The following CDH13 variants were observed in gnomAD, a reference collection of about 807,000 sequenced individuals.
CDH13 encodes the protein cadherin 13.
In CDH13, 24 loss-of-function variants were observed where a neutral mutation model predicts 63.8. The ratio of observed to expected loss-of-function variants is 0.38; its 90% CI spans 0.27 to 0.53. The LOEUF is 0.53. Ranked by LOEUF, CDH13 falls within the 20% of genes least tolerant of loss-of-function variation. The pLI, the probability that CDH13 is intolerant of heterozygous loss-of-function variation, is 0.85. For missense variants in CDH13, 1,049 were observed against 903.1 expected (o/e 1.16, Z -2.07); for synonymous variants, 503 against 355.3 (o/e 1.42, Z -4.67).
At chr16:83,473,541 G>T (rs1331202791) in intron 6 of CDH13, among the ~76,000 whole-genome samples, 1 of 152,098 alleles carries the variant, frequency 6.6e-6, no homozygotes, top group South Asian at 2.1e-4. Context: ...TGTGGTTCTG[G>T]AGTCATCGAT....
chr16:82,784,495 T>C (rs763460778), intron 1 of CDH13, among the ~76,000 whole-genome samples: 3 of 152,170 alleles, frequency 2.0e-5, no homozygotes, highest in Non-Finnish European at 4.4e-5. Flanking sequence ...TTGTCATTTA[T>C]TGAGGGCCTG....
At chr16:83,380,600 T>C (rs763099049) in intron 6 of CDH13, among the ~76,000 whole-genome samples, 1 of 152,186 alleles carries the variant, frequency 6.6e-6, no homozygotes, top group Non-Finnish European at 1.5e-5. Flanking sequence ...GAGACGTCAT[T>C]TGGGACAAAA....
At chr16:83,666,964 C>G (rs1598438415) in intron 8 of CDH13, among the ~76,000 whole-genome samples, 1 of 151,960 alleles carries the variant, frequency 6.6e-6, no homozygotes, top group Non-Finnish European at 1.5e-5. Context: ...TATATCATGT[C>G]TGTTTTGTTT....
intron 1 of CDH13, among the ~76,000 whole-genome samples, chr16:82,633,442 C>T (rs555402255): frequency 1.6e-4 from 25 of 152,310 alleles, no homozygotes; most frequent in East Asian, 1.4e-3. Flanking sequence ...TGCGGTGGCG[C>T]GATGTCGGCT....
chr16:83,568,368 C>T (rs1335046479), intron 7 of CDH13, among the ~76,000 whole-genome samples: 1 of 152,146 alleles, frequency 6.6e-6, no homozygotes, highest in Non-Finnish European at 1.5e-5. Context: ...AAATTCTGGT[C>T]CTTCTTCTTG....
chr16:82,639,709 C>A lies in CDH13; in HGVS notation c.45+12572C>A, dbSNP rs114964736. 2.7e-3 allele frequency among the ~76,000 whole-genome samples: 411 copies of A among 152,270 alleles called. 5 individuals carry two copies. Among genetic ancestry groups the A allele is most frequent in the African/African-American group, 9.5e-3 (393 of 41,564 alleles). On this transcript the variant is annotated intron_variant, in intron 1 of 13. Transcript: ENST00000567109. ...TGTCTTACCAGACTAGTGTTTTTTC[C>A]TGTTAATTTAAGTGCTTTAGTGAGG...
chr16:83,539,519 C>T (rs1161522684), intron 7 of CDH13, among the ~76,000 whole-genome samples: 1 of 152,094 alleles, frequency 6.6e-6, no homozygotes, highest in Non-Finnish European at 1.5e-5. Flanking sequence ...TGAAAACTTG[C>T]AGAAAAGGAA....
At chr16:82,691,699 C>T (rs1247494639) in intron 1 of CDH13, among the ~76,000 whole-genome samples, 1 of 152,098 alleles carries the variant, frequency 6.6e-6, no homozygotes, top group South Asian at 2.1e-4. Context: ...CTGTGATAAC[C>T]TTTCCTCGGG....
At chr16:83,068,830 C>A (rs146558705) in intron 3 of CDH13, among the ~76,000 whole-genome samples, 1 of 152,148 alleles carries the variant, frequency 6.6e-6, no homozygotes, top group Non-Finnish European at 1.5e-5. Flanking sequence ...CTGCCTTAAC[C>A]GTTCCCTGCC....
At chr16:83,626,305 A>C (rs1470621218) in intron 8 of CDH13, among the ~76,000 whole-genome samples, 1 of 152,234 alleles carries the variant, frequency 6.6e-6, no homozygotes, top group Non-Finnish European at 1.5e-5. Context: ...ACCAGCCATC[A>C]GGACGTGTTG....
rs1390625172 is a variant in CDH13, at chr16:83,584,793, G to A, written c.961-17661G>A. Among the ~76,000 whole-genome samples the A allele has an allele frequency of 3.9e-5, 6 of 152,342 alleles. No individual in the cohort carries two copies. In the South Asian group the frequency reaches 6.2e-4, roughly 16 times the overall value. On this transcript the variant is annotated intron_variant, in intron 7 of 13. Coordinates refer to ENST00000567109, the MANE Select transcript of CDH13 (RefSeq NM_001257.5). ...CATGGTTCTGCAGGTTGTACAGGAA[G>A]CATGGTGCCAGGCATCTGCATTGCT...
At chr16:83,032,279 T>A in intron 3 of CDH13, 61 bp downstream of exon 3, 1 of 1,287,024 alleles carries the variant, frequency 7.8e-7, no homozygotes, top group Non-Finnish European at 1.1e-6. Context: ...GTCTGTCTTA[T>A]GTGGAAAATG....
intron 1 of CDH13, among the ~76,000 whole-genome samples, chr16:82,641,079 G>T (rs535273049): frequency 6.6e-6 from 1 of 152,166 alleles, no homozygotes. Flanking sequence ...TGTCATTGAG[G>T]TGGTCACAGT....
intron 1 of CDH13, among the ~76,000 whole-genome samples, chr16:82,772,234 TC>T (rs764592270): frequency 1.3e-5 from 2 of 152,090 alleles, no homozygotes; most frequent in Admixed American, 6.6e-5. Context: ...AGGGCTCCCT[TC>T]CCTCCACCCA....
chr16:83,518,398 G>A (rs2074749120), intron 7 of CDH13, among the ~76,000 whole-genome samples: 1 of 151,692 alleles, frequency 6.6e-6, no homozygotes, highest in African/African-American at 2.4e-5. Flanking sequence ...ACCCGCCTCG[G>A]CCTCCCAAAG....
chr16:82,912,871 A>T (rs1241762850), intron 2 of CDH13, among the ~76,000 whole-genome samples: 1 of 150,664 alleles, frequency 6.6e-6, no homozygotes. Flanking sequence ...TGAACCCGGG[A>T]GGCGGAGCTT....
At chr16:83,739,245 C>T (rs1467765631) in intron 10 of CDH13, among the ~76,000 whole-genome samples, 1 of 151,966 alleles carries the variant, frequency 6.6e-6, no homozygotes, top group Admixed American at 6.5e-5. Context: ...AGGGTGTCTA[C>T]GTGACCAGCC....
intron 7 of CDH13, among the ~76,000 whole-genome samples, chr16:83,555,591 T>A (rs2075584863): frequency 6.6e-6 from 1 of 152,220 alleles, no homozygotes; most frequent in Non-Finnish European, 1.5e-5. Flanking sequence ...GATGTAAAGT[T>A]AAAACATGAT....
chr16:83,756,556 C>T (rs565990063), intron 11 of CDH13, among the ~76,000 whole-genome samples: 48 of 152,250 alleles, frequency 3.2e-4, no homozygotes, highest in Non-Finnish European at 4.9e-4. Context: ...AATTTTTTGG[C>T]GCTTTTTTTA....
Sources: allele counts gnomAD v4.1 joint callset (sites outside exome capture counted in the v4.1 genomes callset), GRCh38; gene constraint gnomAD v4.1.1; transcripts MANE v1.5; gene names NCBI Gene and HGNC (gene_info 2026-07-23, HGNC 2026-07-21).